Variants in HHAT observed in about 807,000 individuals in gnomAD.
The protein encoded by HHAT is protein-cysteine N-palmitoyltransferase HHAT.
HHAT carries 47 observed loss-of-function variants against 70.8 expected under a neutral mutation model. The ratio of observed to expected loss-of-function variants is 0.66; its 90% confidence interval spans 0.53 to 0.85. The LOEUF (loss-of-function observed/expected upper bound fraction) is 0.85, where lower values mean the gene tolerates loss of function less well. HHAT is among the 40% of genes least tolerant of loss of function. The pLI, the probability that HHAT is intolerant of heterozygous loss-of-function variation, is 0.00. For missense variants in HHAT, 609 were observed against 604.8 expected, an observed-to-expected ratio of 1.01 and a Z score of -0.07; for synonymous variants, 228 against 247.6, an observed-to-expected ratio of 0.92 and a Z score of 0.74.
chr1:210,436,843 T>A (rs1378328325), intron 7 of HHAT, among the ~76,000 whole-genome samples: 2 of 151,856 alleles, frequency 1.3e-5, no homozygotes, highest in Non-Finnish European at 1.5e-5. Context: ...AACTCCTCTT[T>A]CACTTGTTCT....
At chr1:210,498,002 G>A (rs772231332) in intron 8 of HHAT, among the ~76,000 whole-genome samples, 4 of 151,946 alleles carry the variant, frequency 2.6e-5, no homozygotes, top group Non-Finnish European at 4.4e-5. Flanking sequence ...TGATCCGCCC[G>A]CCTTGGCCTC....
chr1:210,335,932 A>AACG (rs58942503), intron 1 of HHAT, among the ~76,000 whole-genome samples: 7 of 11,584 alleles, frequency 6.0e-4, no homozygotes, highest in African/African-American at 4.3e-3. Context: ...TGCCTCACAT[A>AACG]ACATGGATGA....
chr1:210,360,318 G>T (rs112506178), intron 2 of HHAT, among the ~76,000 whole-genome samples: 3,497 of 133,856 alleles, frequency 0.026, 144 homozygotes, highest in African/African-American at 0.087. Flanking sequence ...TTTTTTTTTT[G>T]TTTTGTTTTG....
chr1:210,457,912 G>A (rs1387218613), intron 7 of HHAT, among the ~76,000 whole-genome samples: 3 of 152,052 alleles, frequency 2.0e-5, no homozygotes, highest in Non-Finnish European at 4.4e-5. Context: ...ATGGGCTTTG[G>A]GCATCCTGTA....
chr1:210,356,573 T>A (rs1178818640), intron 2 of HHAT, among the ~76,000 whole-genome samples: 2 of 152,242 alleles, frequency 1.3e-5, no homozygotes, highest in Non-Finnish European at 2.9e-5. Flanking sequence ...ACAGCTAGTA[T>A]AACGGAACAC....
At chr1:210,646,138 C>T (rs1674013888) in intron 11 of HHAT, among the ~76,000 whole-genome samples, 1 of 152,210 alleles carries the variant, frequency 6.6e-6, no homozygotes, top group Non-Finnish European at 1.5e-5. Context: ...GCTTTGTATA[C>T]TTTGCACGGA....
chr1:210,601,071 T>C (rs1664156118), intron 10 of HHAT, among the ~76,000 whole-genome samples: 1 of 151,840 alleles, frequency 6.6e-6, no homozygotes. Flanking sequence ...CTGATGGTCA[T>C]GGCAGGGATT....
chr1:210,599,371 G>T (rs1663725716), intron 10 of HHAT, among the ~76,000 whole-genome samples: 1 of 152,058 alleles, frequency 6.6e-6, no homozygotes, highest in African/African-American at 2.4e-5. Flanking sequence ...TAATGCCCTT[G>T]GCACCTCATA....
chr1:210,336,517 C>T (rs1571676341), intron 1 of HHAT, among the ~76,000 whole-genome samples: 1 of 152,134 alleles, frequency 6.6e-6, no homozygotes, highest in East Asian at 1.9e-4. Context: ...GGCATGATGG[C>T]TCATTCCTGT....
At chr1:210,573,109 T>C (rs770686532) in intron 9 of HHAT, among the ~76,000 whole-genome samples, 5 of 152,256 alleles carry the variant, frequency 3.3e-5, no homozygotes, top group Non-Finnish European at 7.3e-5. Context: ...ACTATTGTGA[T>C]ATTTTGTAAC....
Position 210,650,438 on chromosome 1 carries a change from A to G in HHAT, c.1391-23850A>G, listed in dbSNP as rs183436508. On this transcript the variant is annotated intron_variant, in intron 11 of 11. Transcript: ENST00000261458. ...TTTCTTCTTTGTGTTTCTGAATCCT[A>G]GAGAGTGTGCTGAAATAGAATTTTC... is the stretch of plus-strand genomic sequence containing the variant. Among the ~76,000 whole-genome samples the G allele has an allele frequency of 1.7e-3, 254 of 152,286 alleles. 1 individual carries two copies. Among genetic ancestry groups the G allele is most frequent in the African/African-American group, 5.9e-3 (247 of 41,560 alleles).
chr1:210,468,002 A>T (rs1421137843), intron 8 of HHAT, among the ~76,000 whole-genome samples: 2 of 152,156 alleles, frequency 1.3e-5, no homozygotes, highest in Non-Finnish European at 2.9e-5. Flanking sequence ...ATTGCAATTC[A>T]CCAAGAAGGC....
chr1:210,439,491 A>G (rs1178059147), intron 7 of HHAT: 1 of 151,766 alleles, frequency 6.6e-6, no homozygotes, highest in East Asian at 1.9e-4. Flanking sequence ...AAGTGTGCTC[A>G]TATTGATCAT....
At chr1:210,364,857 G>C (rs2088745128) in intron 3 of HHAT, among the ~76,000 whole-genome samples, 1 of 152,172 alleles carries the variant, frequency 6.6e-6, no homozygotes, top group African/African-American at 2.4e-5. Context: ...AAAAGTCCAC[G>C]TGGCACAGAC....
chr1:210,632,877 A>AT (rs889961590), intron 11 of HHAT, among the ~76,000 whole-genome samples: 2 of 152,130 alleles, frequency 1.3e-5, no homozygotes, highest in African/African-American at 4.8e-5. Flanking sequence ...ATAATGTAAA[A>AT]CCACAGGGAC....
chr1:210,488,972 T>G (rs549053036), intron 8 of HHAT, among the ~76,000 whole-genome samples: 14 of 152,122 alleles, frequency 9.2e-5, no homozygotes, highest in Non-Finnish European at 1.5e-4. Flanking sequence ...CATTCTCCGG[T>G]TTGGCTTAAG....
At chr1:210,589,708 A>G (rs749720423) in intron 10 of HHAT, 3 of 152,230 alleles carry the variant, frequency 2.0e-5, no homozygotes, top group East Asian at 1.9e-4. Context: ...CGAGTAACCC[A>G]ACTGTGCCAT....
At chr1:210,471,775 T>C (rs2094209369) in intron 8 of HHAT, among the ~76,000 whole-genome samples, 1 of 152,234 alleles carries the variant, frequency 6.6e-6, no homozygotes, top group Non-Finnish European at 1.5e-5. Flanking sequence ...TAGATGTTAA[T>C]ATAACATTTT....
At chr1:210,448,800 A>T (rs1315951239) in intron 7 of HHAT, among the ~76,000 whole-genome samples, 1 of 132,016 alleles carries the variant, frequency 7.6e-6, no homozygotes, top group Non-Finnish European at 1.7e-5. Flanking sequence ...TTGTCAGTGG[A>T]TTTCAGCAGT....
Sources: allele counts gnomAD v4.1 joint callset (sites outside exome capture counted in the v4.1 genomes callset), GRCh38; gene constraint gnomAD v4.1.1; transcripts MANE v1.5; gene names NCBI Gene and HGNC (gene_info 2026-07-23, HGNC 2026-07-21).